Variants in NEDD9 observed in about 807,000 individuals in gnomAD.
NEDD9 encodes the protein neural precursor cell expressed, developmentally down-regulated 9.
Under a neutral mutation model 76.6 loss-of-function variants are expected in NEDD9, and 26 were observed. The ratio of observed to expected loss-of-function variants is 0.34; its 90% confidence interval spans 0.25 to 0.47. The LOEUF is 0.47. Among genes scored for constraint, NEDD9 ranks in the 20% least tolerant of loss-of-function variants. The pLI is 1.00. For synonymous variants in NEDD9, 392 were observed against 414.2 expected, an observed-to-expected ratio of 0.95 and a Z score of 0.65; for missense variants, 937 against 1,058.5, an observed-to-expected ratio of 0.89 and a Z score of 1.59.
At chr6:11,226,797 G>C (rs1016008356) in intron 1 of NEDD9, among the ~76,000 whole-genome samples, 1 of 152,090 alleles carries the variant, frequency 6.6e-6, no homozygotes. Flanking sequence ...TATAATAGCT[G>C]CCATTTATTA....
At chr6:11,343,415 G>A (rs1244455402) in intron 1 of NEDD9, among the ~76,000 whole-genome samples, 1 of 151,696 alleles carries the variant, frequency 6.6e-6, no homozygotes, top group Non-Finnish European at 1.5e-5. Context: ...GGCAACAGAA[G>A]GTGGCTCTGT....
intron 1 of NEDD9, among the ~76,000 whole-genome samples, chr6:11,344,631 T>C (rs959801282): frequency 6.6e-6 from 1 of 152,206 alleles, no homozygotes; most frequent in South Asian, 2.1e-4. Context: ...TGCACCTAGA[T>C]GGCATAGCAC....
intron 1 of NEDD9, among the ~76,000 whole-genome samples, chr6:11,353,935 G>A (rs1313891870): frequency 6.6e-6 from 1 of 152,176 alleles, no homozygotes. Context: ...AAGAGTGATG[G>A]GGGCCATAAT....
intron 3 of NEDD9, among the ~76,000 whole-genome samples, chr6:11,253,217 C>A (rs1193808807): frequency 6.6e-6 from 1 of 152,156 alleles, no homozygotes; most frequent in Admixed American, 6.5e-5. Flanking sequence ...GTTGAACTTA[C>A]AACCCATGTT....
chr6:11,357,406 G>A (rs1762598079), intron 1 of NEDD9, among the ~76,000 whole-genome samples: 1 of 152,112 alleles, frequency 6.6e-6, no homozygotes, highest in Admixed American at 6.5e-5. Context: ...ATGTTTCTTG[G>A]ACTACAGAGA....
At chr6:11,187,131 TG>T (rs35399791) in intron 6 of NEDD9, among the ~76,000 whole-genome samples, 79,324 of 151,720 alleles carry the variant, frequency 0.52, 20,903 homozygotes, top group African/African-American at 0.55. Context: ...TGTCATTAGA[TG>T]GGGGGGGTAC....
At chr6:11,244,852 G>A (rs1015643459) in intron 3 of NEDD9, among the ~76,000 whole-genome samples, 5 of 152,154 alleles carry the variant, frequency 3.3e-5, no homozygotes, top group Non-Finnish European at 7.3e-5. Flanking sequence ...CCCTAATCCT[G>A]TTGTCTGTGC....
intron 3 of NEDD9, among the ~76,000 whole-genome samples, chr6:11,246,296 CA>C (rs1381891467): frequency 6.6e-6 from 1 of 152,186 alleles, no homozygotes; most frequent in Non-Finnish European, 1.5e-5. Flanking sequence ...CAACTTGCCT[CA>C]GGTTGAGAGA....
At chr6:11,243,903 A>G (rs1161876386) in intron 3 of NEDD9, among the ~76,000 whole-genome samples, 1 of 152,180 alleles carries the variant, frequency 6.6e-6, no homozygotes, top group African/African-American at 2.4e-5. Context: ...TATTGGGATG[A>G]TTAATTTTAT....
In NEDD9 at chr6:11,213,858, T is replaced by C; in HGVS notation, c.13-131A>G. On this transcript the variant is annotated intron_variant, in intron 1 of 6. Coordinates refer to ENST00000379446, the MANE Select transcript of NEDD9 (RefSeq NM_006403.4). The surrounding 1 kb of genome is among the most constrained non-coding windows in gnomAD (Gnocchi z 5.4). ...AAGCATAAATCTGAACAATAGACTGTAAGGAGAAAAACAGATGGTGCAGAC... is the reference window on the plus strand; with the variant it reads ...AAGCATAAATCTGAACAATAGACTGCAAGGAGAAAAACAGATGGTGCAGAC... The C allele has an allele frequency of 1.2e-6, 1 of 817,094 alleles. No individual in the cohort carries two copies. The highest frequency in any genetic ancestry group is 1.9e-6 in the Non-Finnish European group (1 of 526,554). The allele number at this position is 817,094 out of a possible 1,614,324, so 50.6% of individuals were successfully genotyped here.
At position 11,241,826 on chromosome 6, in the gene NEDD9, C is replaced by T. The variant is rs1011762885; in HGVS notation, c.13-28099G>A. On this transcript the variant is annotated intron_variant, in intron 3 of 3. Transcript: ENST00000397378. This position sits in a 1 kb window ranked among gnomAD's most constrained non-coding sequence, Gnocchi z 4.0. ...AGGCCGGCCAATGTCCAGCAGGCCC[C>T]GGGCCCAGAGCCTCTGGCCTGTCCG... Among the ~76,000 whole-genome samples the T allele has an allele frequency of 1.8e-4, 28 of 152,312 alleles. No individual in the cohort carries two copies. Among genetic ancestry groups the T allele is most frequent in the Admixed American group, 6.5e-4 (10 of 15,306 alleles).
intron 3 of NEDD9, among the ~76,000 whole-genome samples, chr6:11,300,835 G>A (rs1436796324): frequency 6.6e-6 from 1 of 152,176 alleles, no homozygotes; most frequent in Admixed American, 6.5e-5. Context: ...TCACTACCAG[G>A]CCTGCCTTAT....
At chr6:11,255,234 C>A (rs1759980440) in intron 3 of NEDD9, among the ~76,000 whole-genome samples, 7 of 152,144 alleles carry the variant, frequency 4.6e-5, no homozygotes, top group Admixed American at 4.6e-4. Flanking sequence ...GACAGAACCA[C>A]CAAAGAGATG....
chr6:11,206,206 A>G (rs1435157390), intron 2 of NEDD9, among the ~76,000 whole-genome samples: 5 of 151,914 alleles, frequency 3.3e-5, no homozygotes, highest in African/African-American at 4.8e-5. Context: ...ATCACCTGAG[A>G]TCAGGAGTTT....
At chr6:11,236,367 C>T (rs369801449), upstream of NEDD9, among the ~76,000 whole-genome samples, 18 of 152,276 alleles carry the variant, frequency 1.2e-4, no homozygotes, top group African/African-American at 2.2e-4. The surrounding 1 kb of genome is among the most constrained non-coding windows in gnomAD (Gnocchi z 5.5). Context: ...GAAATGGCAC[C>T]GGATGCCATT....
chr6:11,357,522 C>A (rs1762599564), intron 1 of NEDD9, among the ~76,000 whole-genome samples: 1 of 152,174 alleles, frequency 6.6e-6, no homozygotes, highest in African/African-American at 2.4e-5. Flanking sequence ...TAGGGAGCGC[C>A]CAGTCCAAGT....
intron 1 of NEDD9, among the ~76,000 whole-genome samples, chr6:11,376,957 G>A (rs976515629): frequency 1.3e-5 from 2 of 152,354 alleles, no homozygotes; most frequent in Admixed American, 1.3e-4. Flanking sequence ...GCTCAAAGGG[G>A]CCCAGGTACA....
intron 1 of NEDD9, among the ~76,000 whole-genome samples, chr6:11,228,097 G>A (rs1267137542): frequency 5.3e-5 from 8 of 150,990 alleles, no homozygotes; most frequent in Admixed American, 4.6e-4. Context: ...AGATAGGTGC[G>A]GGTGGGGGGC....
chr6:11,185,120 T>C lies in NEDD9; in HGVS notation c.*42A>G. ...AACCAGACAGTATTTCCAGTTTTCC[T>C]TAGTAACCGTTAACGCAGTCCCCTT... On this transcript the variant is annotated 3_prime_UTR_variant, in exon 7 of 7. Transcript: ENST00000379446. 1 of 1,550,762 alleles carries C rather than the reference T, an allele frequency of 6.4e-7. No homozygotes were observed. The highest frequency in any genetic ancestry group is 2.3e-5 in the East Asian group (1 of 44,006).
Sources: gnomAD v4.1 joint callset for allele counts (sites outside exome capture counted in the v4.1 genomes callset) on GRCh38, gnomAD v4.1.1 for gene constraint, Gnocchi (gnomAD v3.1) non-coding constraint, MANE v1.5 for transcripts, NCBI Gene and HGNC (gene_info 2026-07-23, HGNC 2026-07-21) for gene names.